SFMBT2: variants seen among roughly 807,000 people sequenced by gnomAD.
SFMBT2 encodes the protein Scm like with four mbt domains 2, also known as scm-like with four MBT domains protein 2.
SFMBT2 carries 38 observed loss-of-function variants against 110.1 expected under a neutral mutation model. The ratio of observed to expected loss-of-function variants is 0.35; its 90% CI spans 0.27 to 0.45. The LOEUF (loss-of-function observed/expected upper bound fraction) is 0.45, where lower values mean the gene tolerates loss of function less well. Ranked by LOEUF, SFMBT2 falls within the 20% of genes least tolerant of loss-of-function variation. The pLI is 1.00. For missense variants in SFMBT2, 1,011 were observed against 1,094.9 expected (o/e 0.92, Z 1.08); for synonymous variants, 425 against 425.4 (o/e 1.00, Z 0.01).
At position 7,171,974 on chromosome 10, in the gene SFMBT2, C is replaced by T. The variant is rs200266581; in HGVS notation, c.2336G>A (p.Arg779Gln). ...PVRRPPPERT[R>Q]RGRGAPAASS... ...GGCAGCCGGCGCCCCGCGGCCCCTTCGTGTCCTCTCTGGGGGTGGCCGGCG... is the reference window on the plus strand; with the variant it reads ...GGCAGCCGGCGCCCCGCGGCCCCTTTGTGTCCTCTCTGGGGGTGGCCGGCG... Residue 779 changes from arginine (R) to glutamine (Q), a missense_variant, in exon 19 of 21, where the codon CGA becomes CAA. Transcript: ENST00000397167. This position sits in a 1 kb window ranked among gnomAD's most constrained non-coding sequence, Gnocchi z 4.9. The T allele has an allele frequency of 5.7e-4, 867 of 1,527,754 alleles. 2 individuals are homozygous for T. The highest frequency in any genetic ancestry group is 1.1e-3 in the East Asian group (43 of 40,894). The allele number at this position is 1,527,754 out of a possible 1,614,324, so 94.6% of individuals were successfully genotyped here. A position where few individuals can be genotyped will look rare whatever the true frequency, so the allele number is the denominator to read the frequency against.
intron 4 of SFMBT2, among the ~76,000 whole-genome samples, chr10:7,345,531 G>C (rs1298329934): frequency 6.6e-6 from 1 of 152,024 alleles, no homozygotes; most frequent in Non-Finnish European, 1.5e-5. Context: ...GCTAATTTTT[G>C]TATTTTTAGT....
At chr10:7,179,094 C>T (rs1397982155) in intron 16 of SFMBT2, among the ~76,000 whole-genome samples, 7 of 151,988 alleles carry the variant, frequency 4.6e-5, no homozygotes, top group Non-Finnish European at 8.8e-5. Context: ...TTTTTATCTG[C>T]ATACTCTACT....
intron 4 of SFMBT2, among the ~76,000 whole-genome samples, chr10:7,330,498 G>A (rs371525767): frequency 3.3e-5 from 5 of 152,150 alleles, no homozygotes; most frequent in Admixed American, 6.5e-5. Context: ...CCTGTCATCC[G>A]TTCAGCAATG....
chr10:7,204,550 A>G (rs947616416), intron 12 of SFMBT2: 15 of 918,384 alleles, frequency 1.6e-5, no homozygotes, highest in Admixed American at 6.2e-5. Context: ...TTTAAATGGT[A>G]CCATTTTGTG....
intron 9 of SFMBT2, among the ~76,000 whole-genome samples, chr10:7,228,731 CTTTCCTTTCTCTCTCTCTCTCT>C (rs1161703696): frequency 1.6e-5 from 1 of 62,464 alleles, no homozygotes. Flanking sequence ...TTCTTTCTTT[CTTTCCTTTCTCTCTCTCTCTCT>C]CTCTCTCTCT....
chr10:7,371,751 T>C (rs1301267987), intron 2 of SFMBT2, among the ~76,000 whole-genome samples: 2 of 152,098 alleles, frequency 1.3e-5, no homozygotes, highest in Non-Finnish European at 2.9e-5. Flanking sequence ...GCTCAACCCA[T>C]TTATCTTCTA....
chr10:7,375,253 G>A (rs2132066542), intron 2 of SFMBT2, among the ~76,000 whole-genome samples: 1 of 152,322 alleles, frequency 6.6e-6, no homozygotes, highest in South Asian at 2.1e-4. Context: ...GAGTGTAAGT[G>A]ACGTGAGAGT....
chr10:7,385,223 A>G (rs188279707), intron 1 of SFMBT2, among the ~76,000 whole-genome samples: 1 of 152,160 alleles, frequency 6.6e-6, no homozygotes, highest in Non-Finnish European at 1.5e-5. Context: ...TGCACCCTCC[A>G]CCCCTCACCT....
intron 7 of SFMBT2, among the ~76,000 whole-genome samples, chr10:7,258,103 T>C (rs1334083580): frequency 6.6e-6 from 1 of 152,082 alleles, no homozygotes; most frequent in Non-Finnish European, 1.5e-5. Flanking sequence ...GGCTAATTTT[T>C]TGTATTTTTT....
intron 2 of SFMBT2, among the ~76,000 whole-genome samples, chr10:7,376,698 CAAAAAAAAAA>C (rs59565462): frequency 2.1e-5 from 1 of 46,646 alleles, no homozygotes; most frequent in African/African-American, 1.0e-4. Flanking sequence ...GACTCTGTCT[CAAAAAAAAAA>C]AAAAAAAAGG....
intron 4 of SFMBT2, among the ~76,000 whole-genome samples, chr10:7,342,180 G>C (rs1212728534): frequency 6.6e-6 from 1 of 151,678 alleles, no homozygotes; most frequent in Non-Finnish European, 1.5e-5. Context: ...TAGTACTAAA[G>C]AGAACTCCAG....
chr10:7,374,632 G>A (rs1368566573), intron 2 of SFMBT2, among the ~76,000 whole-genome samples: 1 of 152,176 alleles, frequency 6.6e-6, no homozygotes, highest in Non-Finnish European at 1.5e-5. Flanking sequence ...GGGTGCCACT[G>A]TGTCTCCCCT....
At chr10:7,353,408 A>G (rs112141961) in intron 4 of SFMBT2, among the ~76,000 whole-genome samples, 1 of 152,100 alleles carries the variant, frequency 6.6e-6, no homozygotes, top group East Asian at 1.9e-4. Flanking sequence ...AAGGAATCCA[A>G]TGACGGAAAC....
chr10:7,389,365 AT>A (rs1216538758), intron 1 of SFMBT2, among the ~76,000 whole-genome samples: 1 of 152,244 alleles, frequency 6.6e-6, no homozygotes, highest in African/African-American at 2.4e-5. Context: ...AAAGGCTATT[AT>A]TAAAAGAAAG....
At chr10:7,368,799 C>T (rs1398351330) in intron 3 of SFMBT2, among the ~76,000 whole-genome samples, 1 of 152,192 alleles carries the variant, frequency 6.6e-6, no homozygotes, top group Non-Finnish European at 1.5e-5. Context: ...ATGGCTTTTG[C>T]GGGACCATAA....
rs369479041 is a variant in SFMBT2 at position 7,349,440 on chromosome 10, C to CTTTTTTTTTTTTTTTTTTTTTT, written c.436+18187_436+18208dup. On this transcript the variant is annotated intron_variant, in intron 4 of 20. Coordinates refer to ENST00000397167, the MANE Select transcript of SFMBT2 (RefSeq NM_001387889.1). ...CCCTGACTCTTTTTTCTTTTCTTTT[C>CTTTTTTTTTTTTTTTTTTTTTT]TTTTTTTTTTTTTTTTTTTTTTTTT... is the stretch of plus-strand genomic sequence containing the variant. Among the ~76,000 whole-genome samples, 205 of 46,880 alleles carry CTTTTTTTTTTTTTTTTTTTTTT rather than the reference C, an allele frequency of 4.4e-3. 55 individuals carry two copies. The highest frequency in any genetic ancestry group is 5.7e-3 in the Non-Finnish European group (160 of 28,220). 30.8% of individuals were successfully genotyped at this position (46,880 alleles called of 152,430 possible).
At chr10:7,344,752 G>A (rs1469856052) in intron 4 of SFMBT2, among the ~76,000 whole-genome samples, 1 of 151,940 alleles carries the variant, frequency 6.6e-6, no homozygotes, top group Non-Finnish European at 1.5e-5. Context: ...GGATCATGAG[G>A]TCAGGAGATC....
intron 4 of SFMBT2, among the ~76,000 whole-genome samples, chr10:7,326,970 A>T (rs1326861523): frequency 6.6e-6 from 1 of 152,140 alleles, no homozygotes; most frequent in East Asian, 1.9e-4. Context: ...AAGTCACCGT[A>T]AATAAAAGAC....
Position 7,248,634 on chromosome 10 carries a change from G to A in SFMBT2, c.886C>T (p.Arg296Ter). Residue 296 changes from arginine (R) to a stop codon, truncating the protein, a stop_gained, in exon 8 of 21, where the codon CGA becomes TGA. Coordinates refer to ENST00000397167, the MANE Select transcript of SFMBT2 (RefSeq NM_001387889.1). LOFTEE classifies it high-confidence loss of function. ...ATCCCAACTGTGAAGAAATGGCTTC[G>A]CAAATCTGCGTGATCCTGCAGGGAG... ...MEVFKDHADL[R>*]SHFFTVGMKL... The A allele has an allele frequency of 3.1e-6, 5 of 1,614,018 alleles. No homozygotes were observed. Among genetic ancestry groups the A allele is most frequent in the Non-Finnish European group, 4.2e-6 (5 of 1,179,914 alleles).
Sources: allele counts gnomAD v4.1 joint callset (sites outside exome capture counted in the v4.1 genomes callset), GRCh38; gene constraint gnomAD v4.1.1; non-coding constraint Gnocchi (gnomAD v3.1); transcripts MANE v1.5; gene names NCBI Gene and HGNC (gene_info 2026-07-23, HGNC 2026-07-21).